PRKG1: variants seen among roughly 807,000 people sequenced by gnomAD.
PRKG1 encodes the protein protein kinase cGMP-dependent 1.
A neutral mutation model predicts 88.1 loss-of-function variants in PRKG1; 35 were observed. The observed-to-expected ratio is 0.40, with a 90% CI of 0.30 to 0.53. PRKG1 has a LOEUF of 0.53. Among genes scored for constraint, PRKG1 ranks in the 20% least tolerant of loss-of-function variants. PRKG1 has a pLI of 0.59. For synonymous variants in PRKG1, 303 were observed against 292.5 expected (o/e 1.04, Z -0.37); for missense variants, 540 against 839.8 (o/e 0.64, Z 4.41).
At chr10:51,116,243 G>A (rs929708852) in intron 1 of PRKG1, among the ~76,000 whole-genome samples, 2 of 152,186 alleles carry the variant, frequency 1.3e-5, no homozygotes, top group Non-Finnish European at 2.9e-5. Context: ...GAACATATAA[G>A]CACTCTGCCC....
At chr10:52,198,425 G>C (rs1049870201) in intron 9 of PRKG1, among the ~76,000 whole-genome samples, 2 of 152,058 alleles carry the variant, frequency 1.3e-5, no homozygotes, top group Non-Finnish European at 2.9e-5. Context: ...TCAAGAGAAA[G>C]GAAAAATAGT....
chr10:51,037,360 C>G (rs1589117881), intron 1 of PRKG1, among the ~76,000 whole-genome samples: 1 of 152,062 alleles, frequency 6.6e-6, no homozygotes, highest in African/African-American at 2.4e-5. Flanking sequence ...CCCAGCTACT[C>G]AGCTGAGGTG....
chr10:52,130,932 AAAC>A (rs1837237388), intron 7 of PRKG1, among the ~76,000 whole-genome samples: 1 of 152,178 alleles, frequency 6.6e-6, no homozygotes, highest in Non-Finnish European at 1.5e-5. Context: ...TAGAAATAAT[AAAC>A]AACAGAACAC....
At chr10:51,156,694 G>A (rs1846224286) in intron 2 of PRKG1, among the ~76,000 whole-genome samples, 1 of 151,940 alleles carries the variant, frequency 6.6e-6, no homozygotes. Context: ...AGCAGATCTT[G>A]TGCTAATAGC....
chr10:51,260,721 G>A lies in PRKG1; in HGVS notation c.478+107391G>A, dbSNP rs148897594. 1.6e-3 allele frequency among the ~76,000 whole-genome samples: 247 copies of A among 152,206 alleles called. 5 individuals carry two copies. Among genetic ancestry groups the A allele is most frequent in the Non-Finnish European group, 4.0e-4 (27 of 68,022 alleles). Reference sequence around the variant, plus strand: ...ATTAAAGACTCAGAGCAAATACCAAGTCCGAAATCAATGTGATGTGATTAT... The same window carrying A: ...ATTAAAGACTCAGAGCAAATACCAAATCCGAAATCAATGTGATGTGATTAT... On this transcript the variant is annotated intron_variant, in intron 2 of 17. Transcript: ENST00000373980.
chr10:52,038,433 T>C (rs995606947), intron 5 of PRKG1, among the ~76,000 whole-genome samples: 4 of 150,290 alleles, frequency 2.7e-5, no homozygotes, highest in African/African-American at 9.8e-5. Context: ...AGCATGGAAA[T>C]AAGGGATTGG....
intron 1 of PRKG1, among the ~76,000 whole-genome samples, chr10:51,122,463 A>C (rs1296226700): frequency 6.6e-6 from 1 of 152,162 alleles, no homozygotes; most frequent in African/African-American, 2.4e-5. Flanking sequence ...TGTGGGAAGA[A>C]TAAAAACCTA....
intron 7 of PRKG1, among the ~76,000 whole-genome samples, chr10:52,094,641 G>A (rs1233924109): frequency 6.6e-6 from 1 of 152,170 alleles, no homozygotes; most frequent in Non-Finnish European, 1.5e-5. Flanking sequence ...TCAAAAGTCT[G>A]AGATCAGGAT....
At chr10:51,134,743 A>G (rs1845648909) in intron 1 of PRKG1, among the ~76,000 whole-genome samples, 1 of 152,134 alleles carries the variant, frequency 6.6e-6, no homozygotes, top group Admixed American at 6.6e-5. Flanking sequence ...TTGTATCTAA[A>G]CTACACCGTG....
intron 1 of PRKG1, among the ~76,000 whole-genome samples, chr10:51,089,022 T>A (rs1159833161): frequency 6.6e-6 from 1 of 152,164 alleles, no homozygotes; most frequent in African/African-American, 2.4e-5. Flanking sequence ...ATAATCCCTA[T>A]CACTCCATAC....
At chr10:52,097,421 TATA>T (rs1405526755) in intron 7 of PRKG1, among the ~76,000 whole-genome samples, 2 of 152,168 alleles carry the variant, frequency 1.3e-5, no homozygotes, top group Non-Finnish European at 2.9e-5. Flanking sequence ...TTTTTATTAA[TATA>T]TGATTTATTA....
At chr10:52,260,125 C>T (rs527898841) in intron 10 of PRKG1, among the ~76,000 whole-genome samples, 2 of 152,100 alleles carry the variant, frequency 1.3e-5, no homozygotes, top group East Asian at 3.9e-4. Context: ...CCCATTCCCC[C>T]AGCCCTGTCT....
At chr10:51,921,299 A>G (rs1842458003) in intron 5 of PRKG1, among the ~76,000 whole-genome samples, 1 of 152,108 alleles carries the variant, frequency 6.6e-6, no homozygotes, top group African/African-American at 2.4e-5. Context: ...TACTAGTTCC[A>G]GGAGTCATTT....
intron 3 of PRKG1, among the ~76,000 whole-genome samples, chr10:51,548,311 TA>T (rs1747016739): frequency 6.6e-6 from 1 of 152,120 alleles, no homozygotes; most frequent in Non-Finnish European, 1.5e-5. Context: ...CCCATCATTT[TA>T]AAAAACATAA....
rs369807605 is a variant in PRKG1 at position 51,412,845 on chromosome 10, A to G, written c.479-54878A>G. Among the ~76,000 whole-genome samples the G allele has an allele frequency of 9.0e-4, 137 of 152,250 alleles. 6 individuals carry two copies. In the South Asian group the frequency reaches 0.027, roughly 30 times the overall value. ...CATACAGACCATCCTGTCCATTTGA[A>G]CAGGGTCTTTTGTTAAGTGTAGGTG... On this transcript the variant is annotated intron_variant, in intron 2 of 17. Coordinates refer to ENST00000373980, the MANE Select transcript of PRKG1 (RefSeq NM_006258.4).
intron 12 of PRKG1, among the ~76,000 whole-genome samples, chr10:52,280,021 A>G (rs1841967106): frequency 6.6e-6 from 1 of 152,118 alleles, no homozygotes; most frequent in East Asian, 1.9e-4. Flanking sequence ...ATCAATCAAC[A>G]TATATATGCC....
intron 5 of PRKG1, among the ~76,000 whole-genome samples, chr10:52,015,414 T>C (rs1467451236): frequency 9.9e-5 from 15 of 152,210 alleles, no homozygotes; most frequent in Admixed American, 9.2e-4. Flanking sequence ...GTCCCAAGGC[T>C]GCACAGAGAA....
intron 3 of PRKG1, among the ~76,000 whole-genome samples, chr10:51,545,152 A>C (rs1467307457): frequency 1.3e-5 from 2 of 152,080 alleles, no homozygotes; most frequent in Non-Finnish European, 2.9e-5. Flanking sequence ...TAATATGTGC[A>C]TCATTCAAAC....
intron 2 of PRKG1, among the ~76,000 whole-genome samples, chr10:51,328,549 A>G (rs1460788932): frequency 1.3e-5 from 2 of 152,184 alleles, no homozygotes; most frequent in Non-Finnish European, 2.9e-5. Context: ...GATGGATTAT[A>G]TGGTACTTCT....
Sources: gnomAD v4.1 joint callset for allele counts (sites outside exome capture counted in the v4.1 genomes callset) on GRCh38, gnomAD v4.1.1 for gene constraint, MANE v1.5 for transcripts, NCBI Gene and HGNC (gene_info 2026-07-23, HGNC 2026-07-21) for gene names.